WDFY3: variants seen among roughly 807,000 people sequenced by gnomAD.
WDFY3 encodes the protein WD repeat and FYVE domain containing 3.
In WDFY3, 66 loss-of-function variants were observed where a neutral mutation model predicts 409.6. The ratio of observed to expected loss-of-function variants is 0.16; its 90% CI spans 0.13 to 0.20. The LOEUF is 0.20. Among genes scored for constraint, WDFY3 ranks in the 10% least tolerant of loss-of-function variants. The pLI is 1.00. For missense variants in WDFY3, 3,031 were observed against 4,298.1 expected, an observed-to-expected ratio of 0.71 and a Z score of 8.24; for synonymous variants, 1,521 against 1,537.1, an observed-to-expected ratio of 0.99 and a Z score of 0.25.
intron 7 of WDFY3, 53 bp downstream of exon 7, chr4:84,836,876 A>C: frequency 7.5e-7 from 1 of 1,335,364 alleles, no homozygotes; most frequent in Non-Finnish European, 9.8e-7. Context: ...TTTAGGAAGT[A>C]TACCCACTTC....
chr4:84,930,210 T>A (rs144868949), intron 2 of WDFY3, among the ~76,000 whole-genome samples: 14 of 152,292 alleles, frequency 9.2e-5, no homozygotes, highest in African/African-American at 3.4e-4. Context: ...ATAACTTCTA[T>A]CAACAATACC....
chr4:84,831,565 T>C lies in WDFY3; in HGVS notation c.617A>G (p.Glu206Gly). The change falls in exon 8 of 68, where the codon GAG becomes GGG. Residue 206 changes from glutamate (E) to glycine (G), a missense_variant. Physicochemically the swap from Glu to Gly is moderately conservative, Grantham distance 98. Around this residue, in one of 16 missense-constraint regions of WDFY3, gnomAD observed 1,322 missense variants for 1,697.9 expected, o/e 0.78. Coordinates refer to ENST00000295888, the MANE Select transcript of WDFY3 (RefSeq NM_014991.6). ...CTGGAGATCATCTTTCTGAGCCAGC[T>C]CCTCCGCAGGGGAAACAAAACTGCA... is the stretch of plus-strand genomic sequence containing the variant. ...KLCSFVSPAE[E>G]LAQKDDLQLL... The C allele has an allele frequency of 6.2e-7, 1 of 1,613,806 alleles. No homozygotes were observed. Among genetic ancestry groups the C allele is most frequent in the Non-Finnish European group, 8.5e-7 (1 of 1,179,892 alleles).
chr4:84,720,929 C>A (rs1228154527), intron 47 of WDFY3, among the ~76,000 whole-genome samples: 1 of 152,112 alleles, frequency 6.6e-6, no homozygotes, highest in Non-Finnish European at 1.5e-5. Flanking sequence ...CCAGAGAGGT[C>A]AGCAGGGTAT....
At chr4:84,828,410 TAAAG>T (rs1755175908) in intron 9 of WDFY3, among the ~76,000 whole-genome samples, 1 of 152,116 alleles carries the variant, frequency 6.6e-6, no homozygotes, top group Admixed American at 6.5e-5. Flanking sequence ...TACTATAAAA[TAAAG>T]AACCAAAAAT....
At chr4:84,897,256 T>C (rs1008052721) in intron 2 of WDFY3, among the ~76,000 whole-genome samples, 26 of 152,348 alleles carry the variant, frequency 1.7e-4, no homozygotes, top group Admixed American at 1.6e-3. Context: ...GATTCTAATG[T>C]GCATCCGGGG....
chr4:84,955,400 G>A (rs1774117486), intron 1 of WDFY3, among the ~76,000 whole-genome samples: 1 of 152,138 alleles, frequency 6.6e-6, no homozygotes, highest in African/African-American at 2.4e-5. Flanking sequence ...TCTTCTTACA[G>A]GAAATGCAGG....
In WDFY3 at chr4:84,844,488, G is replaced by A. The variant is rs1197020428; in HGVS notation, c.305-3225C>T. ...TGTTGTGGCTTTGAAATCCTTGGGG[G>A]ACAGCAGGGCACACTGTTTTTCTGT... On this transcript the variant is annotated intron_variant, in intron 5 of 67. Transcript: ENST00000295888. 6 of 1,289,640 alleles carry A rather than the reference G, an allele frequency of 4.7e-6. No homozygotes were observed. Among genetic ancestry groups the A allele is most frequent in the African/African-American group, 1.5e-5 (1 of 65,920 alleles). The allele number at this position is 1,289,640 out of a possible 1,614,324, so 79.9% of individuals were successfully genotyped here.
At chr4:84,727,199 T>C (rs1735796618) in intron 44 of WDFY3, among the ~76,000 whole-genome samples, 1 of 151,986 alleles carries the variant, frequency 6.6e-6, no homozygotes, top group Non-Finnish European at 1.5e-5. Flanking sequence ...CAGGCTGCCA[T>C]TGACTTGGAT....
At chr4:84,820,973 G>A in intron 11 of WDFY3, 111 bp downstream of exon 11, 1 of 1,058,420 alleles carries the variant, frequency 9.4e-7, no homozygotes, top group Non-Finnish European at 1.3e-6. Flanking sequence ...TCACAATAAT[G>A]CACATTAGGA....
chr4:84,874,742 T>A (rs1376172390), intron 3 of WDFY3, among the ~76,000 whole-genome samples: 2 of 152,182 alleles, frequency 1.3e-5, no homozygotes, highest in East Asian at 3.9e-4. Context: ...GTTCAGCTTT[T>A]GGCCTACCAT....
chr4:84,798,745 C>T (rs1233941259), intron 17 of WDFY3, among the ~76,000 whole-genome samples: 1 of 152,146 alleles, frequency 6.6e-6, no homozygotes, highest in Non-Finnish European at 1.5e-5. Flanking sequence ...TATTATTTTA[C>T]TATTCCTAAA....
chr4:84,697,559 A>G (rs918410833), intron 56 of WDFY3, among the ~76,000 whole-genome samples: 2 of 152,250 alleles, frequency 1.3e-5, no homozygotes, highest in Non-Finnish European at 2.9e-5. Flanking sequence ...TTTCTAAAAT[A>G]TAAAAGAAAC....
intron 44 of WDFY3, among the ~76,000 whole-genome samples, chr4:84,729,014 T>C (rs917507118): frequency 2.0e-5 from 3 of 152,192 alleles, no homozygotes; most frequent in African/African-American, 7.2e-5. Context: ...TTATACATTA[T>C]ATAAAAATAT....
At chr4:84,786,288 CTTCAT>C (rs1747539433) in intron 23 of WDFY3, 149 bp from the exon 24 acceptor site, 1 of 738,532 alleles carries the variant, frequency 1.4e-6, no homozygotes, top group Non-Finnish European at 2.1e-6. Context: ...CTTCTCAGCT[CTTCAT>C]TTATTTCTTT....
intron 4 of WDFY3, among the ~76,000 whole-genome samples, chr4:84,858,550 A>G (rs530656277): frequency 7.2e-5 from 11 of 152,224 alleles, no homozygotes; most frequent in Non-Finnish European, 4.4e-5. Flanking sequence ...GGGGGAACAT[A>G]TAAGATATAG....
intron 1 of WDFY3, among the ~76,000 whole-genome samples, chr4:84,958,120 G>A (rs1018529347): frequency 2.0e-5 from 3 of 152,166 alleles, no homozygotes; most frequent in Non-Finnish European, 2.9e-5. Flanking sequence ...GTCAGGAAAC[G>A]TTAAGGGATT....
intron 2 of WDFY3, among the ~76,000 whole-genome samples, chr4:84,908,001 G>A (rs1434722615): frequency 6.6e-6 from 1 of 151,806 alleles, no homozygotes; most frequent in Non-Finnish European, 1.5e-5. Flanking sequence ...TACATGTAAG[G>A]TGCAAGGAAA....
chr4:84,702,923 C>G (rs62303076), intron 55 of WDFY3, among the ~76,000 whole-genome samples: 1 of 151,966 alleles, frequency 6.6e-6, no homozygotes, highest in East Asian at 1.9e-4. Flanking sequence ...GGTGAAACCC[C>G]GTCTCTACTA....
intron 1 of WDFY3, among the ~76,000 whole-genome samples, chr4:84,964,114 T>A (rs188828358): frequency 1.0e-3 from 153 of 152,306 alleles, no homozygotes; most frequent in African/African-American, 3.3e-3. Context: ...AAAGCAAATA[T>A]ATGCTATATT....
Sources: allele counts gnomAD v4.1 joint callset (sites outside exome capture counted in the v4.1 genomes callset), GRCh38; gene constraint gnomAD v4.1.1; regional missense constraint gnomAD v4.1.1; transcripts MANE v1.5; gene names NCBI Gene and HGNC (gene_info 2026-07-23, HGNC 2026-07-21).